Variants in DYNC2H1 observed in about 807,000 individuals in gnomAD.
DYNC2H1 encodes dynein cytoplasmic 2 heavy chain 1.
Under a neutral mutation model 570.0 loss-of-function variants are expected in DYNC2H1, and 410 were observed. The observed-to-expected ratio is 0.72, with a 90% CI of 0.66 to 0.78. DYNC2H1 has a LOEUF of 0.78. Ranked by LOEUF, DYNC2H1 falls within the 30% of genes least tolerant of loss-of-function variation. The probability of loss-of-function intolerance (pLI) is 0.00; values close to 1 mark genes in which losing one functional copy is unlikely to be tolerated. For missense variants in DYNC2H1, 4,865 were observed against 5,046.4 expected (o/e 0.96, Z 1.09); for synonymous variants, 1,688 against 1,677.6 (o/e 1.01, Z -0.15).
chr11:103,271,454 C>A (rs919955904), intron 70 of DYNC2H1, among the ~76,000 whole-genome samples: 1 of 152,166 alleles, frequency 6.6e-6, no homozygotes, highest in Non-Finnish European at 1.5e-5. Flanking sequence ...CTTCTCTTCA[C>A]AAGGTAACAT....
At chr11:103,436,919 C>T (rs540893129) in intron 85 of DYNC2H1, among the ~76,000 whole-genome samples, 1 of 152,190 alleles carries the variant, frequency 6.6e-6, no homozygotes, top group South Asian at 2.1e-4. Context: ...TTTCTTTATG[C>T]TTCATCCTTT....
At chr11:103,192,364 C>T in intron 47 of DYNC2H1, 100 bp downstream of exon 47, 1 of 856,228 alleles carries the variant, frequency 1.2e-6, no homozygotes, top group Non-Finnish European at 1.6e-6. Context: ...CAAATAAAAA[C>T]TTTGAATAAT....
rs963644449 is a variant in DYNC2H1 at position 103,281,163 on chromosome 11, A to G, written c.10761+750A>G. Among the ~76,000 whole-genome samples, 17 of 152,040 alleles carry G rather than the reference A, an allele frequency of 1.1e-4. 2 individuals are homozygous for G. Among genetic ancestry groups the G allele is most frequent in the Admixed American group, 9.2e-4 (14 of 15,252 alleles). On this transcript the variant is annotated intron_variant, in intron 71 of 88. Coordinates refer to ENST00000375735, the MANE Select transcript of DYNC2H1 (RefSeq NM_001377.3). ...ATTTTCTGGTTCCTTTCATTTGAAT[A>G]TAATAGTTAAAATAATGCAGACCAT...
At chr11:103,259,765 C>T in intron 69 of DYNC2H1, 123 bp from the exon 70 acceptor site, 13 of 587,854 alleles carry the variant, frequency 2.2e-5, no homozygotes, top group South Asian at 5.2e-5. Flanking sequence ...TTGTTTAGTC[C>T]CTTGAATTTG....
chr11:103,315,465 A>G (rs990951656), intron 79 of DYNC2H1, among the ~76,000 whole-genome samples: 4 of 152,102 alleles, frequency 2.6e-5, no homozygotes, highest in Non-Finnish European at 4.4e-5. Flanking sequence ...GAATGACATC[A>G]TCCATCATCA....
chr11:103,255,410 C>T lies in DYNC2H1; in HGVS notation c.10207-5C>T, dbSNP rs1350973681. On this transcript the variant is annotated splice_polypyrimidine_tract_variant and splice_region_variant and intron_variant, in intron 66 of 88. Transcript: ENST00000375735. ...AGAATTACCTTGTCTTTTTGTTATC[C>T]CAAGCTTTTAGCTTTAACCATTCAG... The T allele has an allele frequency of 2.6e-6, 4 of 1,549,864 alleles. No individual in the cohort carries two copies. The highest frequency in any genetic ancestry group is 3.5e-6 in the Non-Finnish European group (4 of 1,147,334).
intron 69 of DYNC2H1, 95 bp from the exon 70 acceptor site, chr11:103,259,793 T>C: frequency 1.3e-6 from 1 of 775,950 alleles, no homozygotes; most frequent in East Asian, 3.1e-5. Flanking sequence ...AAGATACTTG[T>C]TTCAGAATCA....
intron 83 of DYNC2H1, among the ~76,000 whole-genome samples, chr11:103,383,478 A>ATTTT (rs35091786): frequency 9.7e-5 from 8 of 82,462 alleles, no homozygotes; most frequent in African/African-American, 3.0e-4. Context: ...TTAAATCTTT[A>ATTTT]TTTTTTTTTT....
intron 36 of DYNC2H1, among the ~76,000 whole-genome samples, chr11:103,174,551 A>G (rs1251903199): frequency 6.6e-6 from 1 of 152,098 alleles, no homozygotes; most frequent in African/African-American, 2.4e-5. Context: ...CCCCACCCCC[A>G]AAGGTCCTGA....
chr11:103,171,125 C>G, intron 34 of DYNC2H1, 57 bp downstream of exon 34: 3 of 1,360,094 alleles, frequency 2.2e-6, no homozygotes, highest in Non-Finnish European at 2.9e-6. Context: ...CTTGATATTA[C>G]TCATACTTAA....
chr11:103,453,127 TA>T (rs57388764), intron 85 of DYNC2H1, among the ~76,000 whole-genome samples: 36,654 of 151,910 alleles, frequency 0.24, 4,617 homozygotes, highest in Admixed American at 0.33. Flanking sequence ...ATTATGAGTA[TA>T]TAGTCTCATA....
intron 69 of DYNC2H1, among the ~76,000 whole-genome samples, chr11:103,258,828 T>C (rs1679505733): frequency 6.6e-6 from 1 of 152,242 alleles, no homozygotes; most frequent in Admixed American, 6.5e-5. Context: ...TTAAAAAATC[T>C]ACTGGATCTT....
chr11:103,432,057 C>A (rs1943911735), intron 84 of DYNC2H1, among the ~76,000 whole-genome samples: 2 of 152,130 alleles, frequency 1.3e-5, no homozygotes, highest in East Asian at 3.9e-4. Context: ...CACCAAACAG[C>A]AACCATGACC....
intron 65 of DYNC2H1, among the ~76,000 whole-genome samples, chr11:103,251,384 C>G (rs1183827138): frequency 6.7e-6 from 1 of 148,478 alleles, no homozygotes; most frequent in East Asian, 1.9e-4. Flanking sequence ...CTTTAACTTT[C>G]AACTTTTTTG....
intron 85 of DYNC2H1, among the ~76,000 whole-genome samples, chr11:103,441,257 T>C (rs1944258981): frequency 1.3e-5 from 2 of 152,070 alleles, no homozygotes; most frequent in Non-Finnish European, 2.9e-5. Flanking sequence ...CCCCGGGATA[T>C]GTGCAAGGAA....
chr11:103,478,288 T>C (rs1945630341), intron 88 of DYNC2H1, among the ~76,000 whole-genome samples: 1 of 152,140 alleles, frequency 6.6e-6, no homozygotes, highest in Admixed American at 6.5e-5. Context: ...CTGCACCTCA[T>C]GGTAATAAAA....
chr11:103,339,982 C>T (rs755699273), intron 82 of DYNC2H1, among the ~76,000 whole-genome samples: 17 of 152,318 alleles, frequency 1.1e-4, no homozygotes, highest in Middle Eastern at 6.8e-3. Flanking sequence ...ACTCACTTCA[C>T]TCTTGCTCTT....
In DYNC2H1 at chr11:103,203,854, C is replaced by G. The variant is rs1269663160; in HGVS notation, c.8311+78C>G. On this transcript the variant is annotated intron_variant, in intron 51 of 88. Coordinates refer to ENST00000375735, the MANE Select transcript of DYNC2H1 (RefSeq NM_001377.3). The surrounding 1 kb of genome is among the most constrained non-coding windows in gnomAD (Gnocchi z 4.7). ...TATCATTTAATTTGCCTTATTTTGT[C>G]ATTAGATTGCAAAGGTATCTTAAAT... is the stretch of plus-strand genomic sequence containing the variant. The G allele has an allele frequency of 1.0e-6, 1 of 957,674 alleles. No individual in the cohort carries two copies. The highest frequency in any genetic ancestry group is 1.5e-6 in the Non-Finnish European group (1 of 658,054). 59.3% of individuals were successfully genotyped at this position (957,674 alleles called of 1,614,324 possible). A position where few individuals can be genotyped will look rare whatever the true frequency, so the allele number is the denominator to read the frequency against.
chr11:103,341,789 A>G (rs1458044895), intron 82 of DYNC2H1, among the ~76,000 whole-genome samples: 1 of 152,232 alleles, frequency 6.6e-6, no homozygotes, highest in African/African-American at 2.4e-5. Flanking sequence ...AACGAACTTT[A>G]GAAATAATTG....
Sources: gnomAD v4.1 joint callset for allele counts (sites outside exome capture counted in the v4.1 genomes callset) on GRCh38, gnomAD v4.1.1 for gene constraint, Gnocchi (gnomAD v3.1) non-coding constraint, MANE v1.5 for transcripts, NCBI Gene and HGNC (gene_info 2026-07-23, HGNC 2026-07-21) for gene names.